Variants in TAFA1 observed in about 807,000 individuals in gnomAD.
TAFA1 encodes the protein TAFA chemokine like family member 1.
Under a neutral mutation model 18.5 loss-of-function variants are expected in TAFA1, and 4 were observed. That is an observed-to-expected ratio of 0.22 (90% CI 0.11 to 0.49). The LOEUF (loss-of-function observed/expected upper bound fraction) is 0.49, where lower values mean the gene tolerates loss of function less well. Ranked by LOEUF, TAFA1 falls within the 20% of genes least tolerant of loss-of-function variation. The probability of loss-of-function intolerance (pLI) is 0.98; values close to 1 mark genes in which losing one functional copy is unlikely to be tolerated. For missense variants in TAFA1, 147 were observed against 169.0 expected (o/e 0.87, Z 0.72); for synonymous variants, 56 against 55.2 (o/e 1.01, Z -0.06).
chr3:68,420,961 T>C (rs1446288141), intron 3 of TAFA1, among the ~76,000 whole-genome samples: 1 of 152,132 alleles, frequency 6.6e-6, no homozygotes, highest in African/African-American at 2.4e-5. Context: ...AACAAAACCA[T>C]GATGGTTTCT....
At chr3:68,019,797 C>A (rs996666480) in intron 2 of TAFA1, among the ~76,000 whole-genome samples, 1 of 152,128 alleles carries the variant, frequency 6.6e-6, no homozygotes, top group African/African-American at 2.4e-5. Flanking sequence ...GAAAACAACA[C>A]CCCTGTCTTC....
At chr3:68,390,418 G>T (rs1329736665) in intron 2 of TAFA1, among the ~76,000 whole-genome samples, 1 of 152,236 alleles carries the variant, frequency 6.6e-6, no homozygotes, top group African/African-American at 2.4e-5. Context: ...AGGGGCAGCT[G>T]TGGGGACAGC....
chr3:68,328,249 A>G (rs533750494), intron 2 of TAFA1, among the ~76,000 whole-genome samples: 2 of 152,302 alleles, frequency 1.3e-5, no homozygotes, highest in South Asian at 4.1e-4. Flanking sequence ...TCACAAATAC[A>G]TTCCCCAGTG....
chr3:68,187,552 G>A (rs545648184), intron 2 of TAFA1, among the ~76,000 whole-genome samples: 79 of 151,876 alleles, frequency 5.2e-4, no homozygotes, highest in Non-Finnish European at 9.7e-4. Flanking sequence ...ATGATTACAG[G>A]ACAAATTTTA....
chr3:68,195,169 G>C (rs1491735), intron 2 of TAFA1, among the ~76,000 whole-genome samples: 1 of 151,086 alleles, frequency 6.6e-6, no homozygotes, highest in African/African-American at 2.4e-5. Flanking sequence ...ACTCTAATTT[G>C]GGGTTTGCCT....
chr3:68,121,499 T>C (rs2065398147), intron 2 of TAFA1, among the ~76,000 whole-genome samples: 1 of 152,178 alleles, frequency 6.6e-6, no homozygotes. Context: ...CTAACAAGGT[T>C]TTTGAAGAAC....
At chr3:68,407,706 G>C (rs1454454758) in intron 2 of TAFA1, among the ~76,000 whole-genome samples, 2 of 152,026 alleles carry the variant, frequency 1.3e-5, no homozygotes, top group African/African-American at 4.8e-5. Context: ...GCAGACCCAG[G>C]ACTTGAGTCT....
chr3:68,144,853 G>T (rs2065717243), intron 2 of TAFA1, among the ~76,000 whole-genome samples: 1 of 152,086 alleles, frequency 6.6e-6, no homozygotes, highest in African/African-American at 2.4e-5. Context: ...TTTAACCTGA[G>T]CACAATGTCT....
chr3:68,097,732 G>A (rs2065102131), intron 2 of TAFA1, among the ~76,000 whole-genome samples: 1 of 152,094 alleles, frequency 6.6e-6, no homozygotes, highest in Admixed American at 6.6e-5. Context: ...ATAAATACTT[G>A]TTGAATGAGT....
chr3:68,375,945 G>A (rs199529159), intron 2 of TAFA1, among the ~76,000 whole-genome samples: 160 of 152,238 alleles, frequency 1.1e-3, no homozygotes, highest in African/African-American at 3.8e-3. Context: ...TATTTTTAAA[G>A]CCTTCGAAAG....
intron 2 of TAFA1, among the ~76,000 whole-genome samples, chr3:68,369,857 C>T (rs963856861): frequency 6.6e-6 from 1 of 152,122 alleles, no homozygotes; most frequent in African/African-American, 2.4e-5. Flanking sequence ...AAGTGCCACA[C>T]CTTCAAAACA....
At chr3:68,127,731 GGCGGTGGTGATGATGGTA>G (rs1158724964) in intron 2 of TAFA1, among the ~76,000 whole-genome samples, 3 of 132,942 alleles carry the variant, frequency 2.3e-5, no homozygotes, top group Non-Finnish European at 4.9e-5. Flanking sequence ...TGGTGGTGGT[GGCGGTGGTGATGATGGTA>G]GCGGTGGTGA....
chr3:68,493,874 T>A (rs1366917812), intron 3 of TAFA1, among the ~76,000 whole-genome samples: 1 of 152,174 alleles, frequency 6.6e-6, no homozygotes, highest in Non-Finnish European at 1.5e-5. Context: ...GCATCTGGAA[T>A]TTGTATTGAC....
At chr3:68,442,760 A>G (rs1380511018) in intron 3 of TAFA1, among the ~76,000 whole-genome samples, 1 of 152,158 alleles carries the variant, frequency 6.6e-6, no homozygotes, top group East Asian at 1.9e-4. Flanking sequence ...GTCTGACTGA[A>G]ACCAGAAATG....
chr3:68,140,829 A>T (rs989515277), intron 2 of TAFA1, among the ~76,000 whole-genome samples: 2 of 152,208 alleles, frequency 1.3e-5, no homozygotes, highest in Non-Finnish European at 2.9e-5. Context: ...TTTAGAGCCC[A>T]CTATACCTAC....
intron 2 of TAFA1, among the ~76,000 whole-genome samples, chr3:68,138,551 G>A (rs758378651): frequency 2.0e-5 from 3 of 152,176 alleles, no homozygotes; most frequent in Non-Finnish European, 4.4e-5. Flanking sequence ...TATGTAAAAG[G>A]TGGTGGAGCA....
chr3:67,997,268 A>G, the TAFA1 span, among the ~76,000 whole-genome samples: 1 of 152,292 alleles, frequency 6.6e-6, no homozygotes, highest in Non-Finnish European at 1.5e-5. Flanking sequence ...CTTTATAGAA[A>G]TTTATGGTAT....
chr3:68,283,280 T>A (rs1213520997), intron 2 of TAFA1, among the ~76,000 whole-genome samples: 1 of 152,214 alleles, frequency 6.6e-6, no homozygotes, highest in East Asian at 1.9e-4. Context: ...AATCTGCATA[T>A]GACTGGAGAT....
chr3:68,203,270 G>A (rs1373002812), intron 2 of TAFA1, among the ~76,000 whole-genome samples: 1 of 151,610 alleles, frequency 6.6e-6, no homozygotes, highest in Non-Finnish European at 1.5e-5. Context: ...CCTAGGTGTA[G>A]GCATTTTTTT....
Sources: allele counts gnomAD v4.1 joint callset (sites outside exome capture counted in the v4.1 genomes callset), GRCh38; gene constraint gnomAD v4.1.1; transcripts MANE v1.5; gene names NCBI Gene and HGNC (gene_info 2026-07-23, HGNC 2026-07-21).